ECE2: variants seen among roughly 807,000 people sequenced by gnomAD.
ECE2 encodes endothelin converting enzyme 2.
A neutral mutation model predicts 100.6 loss-of-function variants in ECE2; 81 were observed. The ratio of observed to expected loss-of-function variants is 0.81; its 90% CI spans 0.67 to 0.97. The LOEUF (loss-of-function observed/expected upper bound fraction) is 0.97, where lower values mean the gene tolerates loss of function less well. ECE2 is among the 50% of genes least tolerant of loss of function. The probability of loss-of-function intolerance (pLI) is 0.00; values close to 1 mark genes in which losing one functional copy is unlikely to be tolerated. For missense variants in ECE2, 911 were observed against 988.1 expected (o/e 0.92, Z 1.05); for synonymous variants, 391 against 391.5 (o/e 1.00, Z 0.02).
In ECE2 at chr3:184,276,142, C is replaced by T. The variant is rs1458456853; in HGVS notation, c.-12C>T. 3 of 1,396,974 alleles carry T rather than the reference C, an allele frequency of 2.1e-6. No homozygotes were observed. The highest frequency in any genetic ancestry group is 9.3e-7 in the Non-Finnish European group (1 of 1,080,360). 86.5% of individuals were successfully genotyped at this position (1,396,974 alleles called of 1,614,324 possible). ...CCGGGAGCCCTGAATCACCGCCTGGCCCGACTCCACCATGAACGTCGCGCT... is the reference window on the plus strand; with the variant it reads ...CCGGGAGCCCTGAATCACCGCCTGGTCCGACTCCACCATGAACGTCGCGCT... On this transcript the variant is annotated 5_prime_UTR_variant, in exon 1 of 19. Transcript: ENST00000404464.
chr3:184,276,224 GA>G, intron 1 of ECE2, 32 bp downstream of exon 1: 1 of 1,445,576 alleles, frequency 6.9e-7, no homozygotes. Context: ...CACGGGAGGG[GA>G]CTGGGTGGAG....
chr3:184,276,426 T>A, intron 1 of ECE2, 55 bp from the exon 2 acceptor site: 5 of 1,563,572 alleles, frequency 3.2e-6, no homozygotes, highest in Non-Finnish European at 4.3e-6. Context: ...GGCAGGGTCG[T>A]GGGCAAATAG....
At chr3:184,278,106 A>G in intron 5 of ECE2, 57 bp downstream of exon 5, 3 of 1,613,282 alleles carry the variant, frequency 1.9e-6, no homozygotes, top group Non-Finnish European at 2.5e-6. Context: ...GAGAGAGGAG[A>G]TGGCCCAGGA....
chr3:184,278,074 G>C (rs772242063), intron 5 of ECE2, 25 bp downstream of exon 5: 1 of 1,613,850 alleles, frequency 6.2e-7, no homozygotes, highest in Admixed American at 1.7e-5. Flanking sequence ...CCGGTTGAGG[G>C]CAGGGGAGCA....
chr3:184,285,017 T>C lies in ECE2; in HGVS notation c.1060T>C (p.Leu354=), dbSNP rs1161965623. Reference sequence around the variant, plus strand: ...GTTCCTGTCTTTCTTGCTGTCACCATTGGAGTTGAGTGACTCTGAGCCTGT... The same window carrying C: ...GTTCCTGTCTTTCTTGCTGTCACCACTGGAGTTGAGTGACTCTGAGCCTGT... ...LEFLSFLLSP[L]ELSDSEPVVV... Residue 354 remains leucine (L), a synonymous_variant, in exon 9 of 19, where the codon TTG becomes CTG. Coordinates refer to ENST00000404464, the MANE Select transcript of ECE2 (RefSeq NM_001100121.2). The C allele has an allele frequency of 6.2e-7, 1 of 1,614,156 alleles. No individual in the cohort carries two copies. The highest frequency in any genetic ancestry group is 8.5e-7 in the Non-Finnish European group (1 of 1,180,014).
At position 184,289,843 on chromosome 3, in the gene ECE2, A is replaced by C; in HGVS notation, c.1551+125A>C. The C allele has an allele frequency of 2.5e-6, 2 of 812,274 alleles. No homozygotes were observed. The highest frequency in any genetic ancestry group is 3.8e-5 in the South Asian group (2 of 52,064). The allele number at this position is 812,274 out of a possible 1,614,324, so 50.3% of individuals were successfully genotyped here. Reference sequence around the variant, plus strand: ...GTCGGTTTCTTTTAGAGGCAGATGGAGGTAACCAGCATTGTTAAAATGTTG... The same window carrying C: ...GTCGGTTTCTTTTAGAGGCAGATGGCGGTAACCAGCATTGTTAAAATGTTG... On this transcript the variant is annotated intron_variant, in intron 13 of 18. Coordinates refer to ENST00000404464, the MANE Select transcript of ECE2 (RefSeq NM_001100121.2). This position sits in a 1 kb window ranked among gnomAD's most constrained non-coding sequence, Gnocchi z 4.1.
Position 184,276,544 on chromosome 3 carries a change from G to A in ECE2, c.103G>A (p.Gly35Arg), listed in dbSNP as rs1300018705. The change falls in exon 2 of 19, where the codon GGG (glycine) becomes AGG (arginine). Residue 35 changes from glycine to arginine, a missense_variant. Transcript: ENST00000404464. ...CGCACCCGAGACCCCCGTAGAGGGC[G>A]GGGCCTCCCCGGACGCCATGGAGGT... ...EDAPETPVEG[G>R]ASPDAMEVGF... 5.0e-6 allele frequency: 8 copies of A among 1,611,374 alleles called. No homozygotes were observed. The highest frequency in any genetic ancestry group is 6.8e-6 in the Non-Finnish European group (8 of 1,179,566).
Position 184,278,228 on chromosome 3 carries a change from C to T in ECE2, c.665C>T (p.Ala222Val), listed in dbSNP as rs1263369803. Residue 222 changes from alanine (A) to valine (V), a missense_variant, in exon 6 of 19, where the codon GCA becomes GTA. Coordinates refer to ENST00000404464, the MANE Select transcript of ECE2 (RefSeq NM_001100121.2). ...GACAACTTTATGGAGGTGTTGAAGG[C>T]AGTAGCAGGGACCTACAGGGCCACC... ...DQDNFMEVLK[A>V]VAGTYRATPF... The T allele has an allele frequency of 1.2e-6, 2 of 1,614,062 alleles. No homozygotes were observed. Among genetic ancestry groups the T allele is most frequent in the African/African-American group, 2.7e-5 (2 of 74,916 alleles).
chr3:184,279,286 G>A (rs1199484238), intron 7 of ECE2, among the ~76,000 whole-genome samples: 1 of 147,232 alleles, frequency 6.8e-6, no homozygotes, highest in Non-Finnish European at 1.5e-5. Flanking sequence ...CTCCAGCCTG[G>A]GTGACGGAGA....
chr3:184,284,858 T>A, intron 8 of ECE2, 105 bp from the exon 9 acceptor site: 2 of 1,441,324 alleles, frequency 1.4e-6, no homozygotes, highest in Non-Finnish European at 1.9e-6. Context: ...AGCCAGTAGT[T>A]GTTGCTATGG....
intron 7 of ECE2, among the ~76,000 whole-genome samples, chr3:184,279,324 A>G (rs1220974592): frequency 1.3e-5 from 2 of 149,988 alleles, no homozygotes; most frequent in African/African-American, 2.5e-5. Flanking sequence ...AAAAAAAAAA[A>G]AAAAGAAAGA....
chr3:184,291,994 T>C lies in ECE2; in HGVS notation c.2122-68T>C. Reference sequence around the variant, plus strand: ...TGGTGGTTTGTGCCCCTGGGATGGCTGTAGCTGACTCTAAGGCCCGGCTCC... The same window carrying C: ...TGGTGGTTTGTGCCCCTGGGATGGCCGTAGCTGACTCTAAGGCCCGGCTCC... On this transcript the variant is annotated intron_variant, in intron 18 of 18. Transcript: ENST00000404464. The surrounding 1 kb of genome is among the most constrained non-coding windows in gnomAD (Gnocchi z 4.1). 1 of 1,533,378 alleles carries C rather than the reference T, an allele frequency of 6.5e-7. No homozygotes were observed. The highest frequency in any genetic ancestry group is 8.8e-7 in the Non-Finnish European group (1 of 1,131,454). 95.0% of individuals were successfully genotyped at this position (1,533,378 alleles called of 1,614,324 possible).
chr3:184,290,227 C>A, intron 13 of ECE2, 28 bp from the exon 14 acceptor site: 1 of 1,580,080 alleles, frequency 6.3e-7, no homozygotes, highest in South Asian at 1.1e-5. Context: ...TTCTCTTGCT[C>A]TCTTTCTACT....
chr3:184,287,770 C>A, intron 10 of ECE2, 67 bp from the exon 11 acceptor site: 1 of 1,421,802 alleles, frequency 7.0e-7, no homozygotes, highest in Non-Finnish European at 9.9e-7. Flanking sequence ...GCCCCAGTGA[C>A]AGAGAAAGGC....
rs1720659293 is a variant in ECE2, at chr3:184,278,283, C to T, written c.720C>T (p.Asp240=). The change falls in exon 6 of 19, where the codon GAC becomes GAT. Residue 240 remains aspartate, a synonymous_variant. Transcript: ENST00000404464. Reference sequence around the variant, plus strand: ...TCTTCACCGTCTACATCAGTGCCGACTCTAAGAGTTCCAACAGCAATGTTA... The same window carrying T: ...TCTTCACCGTCTACATCAGTGCCGATTCTAAGAGTTCCAACAGCAATGTTA... ...TPFFTVYISA[D]SKSSNSNVIQ... is the part of the protein sequence containing the mutation. 2.5e-6 allele frequency: 4 copies of T among 1,614,110 alleles called. No homozygotes were observed. Among genetic ancestry groups the T allele is most frequent in the Non-Finnish European group, 3.4e-6 (4 of 1,180,000 alleles).
chr3:184,284,464 C>T (rs933160527), intron 8 of ECE2, among the ~76,000 whole-genome samples: 2 of 151,292 alleles, frequency 1.3e-5, no homozygotes, highest in African/African-American at 4.9e-5. Context: ...ATCGCTTGAA[C>T]CTGGGAGGCG....
chr3:184,290,988 C>T (rs1721284408), intron 16 of ECE2, 52 bp from the exon 17 acceptor site: 1 of 1,560,332 alleles, frequency 6.4e-7, no homozygotes, highest in Non-Finnish European at 8.7e-7. Context: ...CACTGCTGCC[C>T]CCAAGAGACG....
In ECE2 at chr3:184,278,524, G is replaced by A. The variant is rs748451732; in HGVS notation, c.783G>A (p.Arg261=). 1.2e-5 allele frequency: 19 copies of A among 1,613,900 alleles called. No individual in the cohort carries two copies. The highest frequency in any genetic ancestry group is 1.5e-5 in the Non-Finnish European group (18 of 1,180,022). The change falls in exon 7 of 19, where the codon CGG becomes CGA. Residue 261 remains arginine (R), a synonymous_variant. Coordinates refer to ENST00000404464, the MANE Select transcript of ECE2 (RefSeq NM_001100121.2). ...AGTCTGGGCTCTTTCTGCCCTCTCG[G>A]GATTACTACTTAAACAGAACTGCCA... The part of the protein sequence containing the change: ...VDQSGLFLPS[R]DYYLNRTANE...
chr3:184,279,961 G>A (rs1263352119), intron 7 of ECE2, among the ~76,000 whole-genome samples: 3 of 142,442 alleles, frequency 2.1e-5, no homozygotes, highest in East Asian at 4.2e-4. Context: ...GCGGTACTCC[G>A]TGCTCTGAGT....
Sources: gnomAD v4.1 joint callset for allele counts (sites outside exome capture counted in the v4.1 genomes callset) on GRCh38, gnomAD v4.1.1 for gene constraint, Gnocchi (gnomAD v3.1) non-coding constraint, MANE v1.5 for transcripts, NCBI Gene and HGNC (gene_info 2026-07-23, HGNC 2026-07-21) for gene names.